CEACAM1: variants seen among roughly 807,000 people sequenced by gnomAD.
The protein encoded by CEACAM1 is CEA cell adhesion molecule 1.
A neutral mutation model predicts 49.1 loss-of-function variants in CEACAM1; 31 were observed. That is an observed-to-expected ratio of 0.63 (90% CI 0.47 to 0.85). The LOEUF is 0.85. Ranked by LOEUF, CEACAM1 falls within the 40% of genes least tolerant of loss-of-function variation. The pLI, the probability that CEACAM1 is intolerant of heterozygous loss-of-function variation, is 0.00. For missense variants in CEACAM1, 570 were observed against 645.3 expected (o/e 0.88, Z 1.26); for synonymous variants, 244 against 247.8 (o/e 0.98, Z 0.14).
chr19:42,515,138 T>G (rs2041568450), intron 5 of CEACAM1: 4 of 605,798 alleles, frequency 6.6e-6, no homozygotes, highest in Non-Finnish European at 1.2e-5. Context: ...TAGCCAGATG[T>G]GGTAGTATGT....
chr19:42,518,232 G>A (rs1267234130), intron 5 of CEACAM1, among the ~76,000 whole-genome samples: 1 of 152,148 alleles, frequency 6.6e-6, no homozygotes, highest in African/African-American at 2.4e-5. Context: ...GGGCAACACA[G>A]TGAAACCCCA....
chr19:42,526,806 G>A (rs1489717381), intron 2 of CEACAM1, among the ~76,000 whole-genome samples: 3 of 152,132 alleles, frequency 2.0e-5, no homozygotes, highest in Non-Finnish European at 4.4e-5. Flanking sequence ...CCCTCGATAA[G>A]TTACCCACAT....
chr19:42,526,392 C>T (rs1353198224), intron 2 of CEACAM1, among the ~76,000 whole-genome samples: 1 of 152,192 alleles, frequency 6.6e-6, no homozygotes, highest in African/African-American at 2.4e-5. Context: ...TCTCCTAAGC[C>T]CCCAGGGCAG....
intron 5 of CEACAM1, 99 bp from the exon 6 acceptor site, chr19:42,512,578 C>T (rs779500925): frequency 4.8e-5 from 58 of 1,200,960 alleles, no homozygotes; most frequent in Non-Finnish European, 6.9e-5. Flanking sequence ...CTAATTGTTC[C>T]TTCAAGGAAT....
intron 5 of CEACAM1, chr19:42,516,843 G>C: frequency 2.4e-6 from 1 of 415,828 alleles, no homozygotes; most frequent in Non-Finnish European, 4.7e-6. Flanking sequence ...GACCAGCCTT[G>C]GCAACATGGT....
chr19:42,526,751 A>C (rs1013670948), intron 2 of CEACAM1, among the ~76,000 whole-genome samples: 5 of 152,126 alleles, frequency 3.3e-5, no homozygotes, highest in African/African-American at 1.2e-4. Context: ...TCTTAGGGAC[A>C]TGTTCACCAG....
At chr19:42,514,382 C>A (rs1474051907) in intron 5 of CEACAM1, among the ~76,000 whole-genome samples, 2 of 152,158 alleles carry the variant, frequency 1.3e-5, no homozygotes, top group East Asian at 3.9e-4. Context: ...CCGCCTGCCT[C>A]AACCTCCCAA....
chr19:42,508,991 G>T lies in CEACAM1; in HGVS notation c.*118C>A. 8.3e-7 allele frequency: 1 copy of T among 1,209,572 alleles called. No homozygotes were observed. The highest frequency in any genetic ancestry group is 1.2e-6 in the Non-Finnish European group (1 of 844,010). 74.9% of individuals were successfully genotyped at this position (1,209,572 alleles called of 1,614,324 possible). ...TGGAGATGCCTATTAGGAAGGAAGA[G>T]TAGGAGAAAGTTGTTTCTGTCCCCA... On this transcript the variant is annotated 3_prime_UTR_variant, in exon 9 of 9. Transcript: ENST00000161559.
intron 2 of CEACAM1, among the ~76,000 whole-genome samples, chr19:42,523,254 C>T (rs1344228130): frequency 2.0e-5 from 3 of 152,218 alleles, no homozygotes; most frequent in African/African-American, 7.2e-5. Context: ...TGTCCTTAAA[C>T]CCTGAGGATA....
At chr19:42,524,520 A>G (rs970053491) in intron 2 of CEACAM1, among the ~76,000 whole-genome samples, 4 of 152,170 alleles carry the variant, frequency 2.6e-5, no homozygotes, top group Admixed American at 6.5e-5. Flanking sequence ...ACGTGGGGAC[A>G]GTGGCTTATG....
chr19:42,528,470 A>G lies in CEACAM1; in HGVS notation c.-96T>C. 1.6e-6 allele frequency: 2 copies of G among 1,228,622 alleles called. No homozygotes were observed. Among genetic ancestry groups the G allele is most frequent in the East Asian group, 2.5e-5 (1 of 40,628 alleles). The allele number at this position is 1,228,622 out of a possible 1,614,324, so 76.1% of individuals were successfully genotyped here. On this transcript the variant is annotated 5_prime_UTR_variant, in exon 1 of 9. Coordinates refer to ENST00000161559, the MANE Select transcript of CEACAM1 (RefSeq NM_001712.5). ...TGCTCTGTCACCTCTGCTGTTTTCCACTCTCTGTGCTGAGCCTCCTCCCTG... is the reference window on the plus strand; with the variant it reads ...TGCTCTGTCACCTCTGCTGTTTTCCGCTCTCTGTGCTGAGCCTCCTCCCTG...
Position 42,522,036 on chromosome 19 carries a change from G to T in CEACAM1, c.591C>A (p.Asn197Lys). Residue 197 changes from asparagine (N) to lysine (K), a missense_variant, in exon 3 of 9, where the codon AAC (asparagine) becomes AAA (lysine). Transcript: ENST00000161559. ...TGACACTGAGTAGAGTGAGGGTCCTGTTGCCATTGGACAGCTGCAGCCTGG... is the reference window on the plus strand; with the variant it reads ...TGACACTGAGTAGAGTGAGGGTCCTTTTGCCATTGGACAGCTGCAGCCTGG... ...VSPRLQLSNG[N>K]RTLTLLSVTR... 1.2e-6 allele frequency: 2 copies of T among 1,614,212 alleles called. No individual in the cohort carries two copies. The highest frequency in any genetic ancestry group is 8.5e-7 in the Non-Finnish European group (1 of 1,180,040).
rs139378038 is a variant in CEACAM1, at chr19:42,519,212, G to T, written c.982C>A (p.Pro328Thr). ...GTGGTCTTGCTGGCTTTGATTTGGG[G>T]CTTTGCTACTACTGGACTTAGCTCT... ...VTELSPVVAKPQIKASKTTVT... is the reference protein window; with the variant it reads ...VTELSPVVAKTQIKASKTTVT... The change falls in exon 5 of 9, where the codon CCC becomes ACC. Residue 328 changes from proline (P) to threonine (T), a missense_variant. Physicochemically the swap from Pro to Thr is conservative, Grantham distance 38 (BLOSUM62 -1). Transcript: ENST00000161559. 7 of 1,613,978 alleles carry T rather than the reference G, an allele frequency of 4.3e-6. No homozygotes were observed. The highest frequency in any genetic ancestry group is 5.9e-6 in the Non-Finnish European group (7 of 1,180,034).
intron 4 of CEACAM1, 125 bp from the exon 5 acceptor site, chr19:42,519,360 G>C (rs1460948454): frequency 1.1e-6 from 1 of 896,370 alleles, no homozygotes; most frequent in African/African-American, 1.7e-5. Context: ...CTGTGCAAAG[G>C]TCACCAACCA....
chr19:42,527,066 T>G lies in CEACAM1; in HGVS notation c.399A>C (p.Glu133Asp). 1 of 1,609,314 alleles carries G rather than the reference T, an allele frequency of 6.2e-7. No homozygotes were observed. The highest frequency in any genetic ancestry group is 8.5e-7 in the Non-Finnish European group (1 of 1,177,348). ...GGTATACATGGAACTGTCCAGTTGCTTCTTCATTCACAAGATCTGACTTTA... is the reference window on the plus strand; with the variant it reads ...GGTATACATGGAACTGTCCAGTTGCGTCTTCATTCACAAGATCTGACTTTA... Reference protein sequence around the residue: ...QVIKSDLVNEEATGQFHVYPE... With the variant: ...QVIKSDLVNEDATGQFHVYPE... Residue 133 changes from glutamate to aspartate, a missense_variant, in exon 2 of 9, where the codon GAA becomes GAC. Transcript: ENST00000161559.
At chr19:42,527,963 G>A (rs537822248) in intron 1 of CEACAM1, 1 of 266,260 alleles carries the variant, frequency 3.8e-6, no homozygotes, top group East Asian at 9.4e-5. Context: ...GGGTTTATTT[G>A]CCAATATCTG....
chr19:42,526,240 G>A (rs36020046), intron 2 of CEACAM1, among the ~76,000 whole-genome samples: 19,135 of 152,216 alleles, frequency 0.13, 1,545 homozygotes, highest in Non-Finnish European at 0.18. Context: ...ACAGGCGTGA[G>A]CCACCGCTCC....
In CEACAM1 at chr19:42,511,721, A is replaced by C; in HGVS notation, c.1377-93T>G. 3 of 1,203,920 alleles carry C rather than the reference A, an allele frequency of 2.5e-6. No individual in the cohort carries two copies. In the South Asian group the frequency reaches 3.7e-5, roughly 15 times the overall value. The allele number at this position is 1,203,920 out of a possible 1,614,324, so 74.6% of individuals were successfully genotyped here. A position where few individuals can be genotyped will look rare whatever the true frequency, so the allele number is the denominator to read the frequency against. On this transcript the variant is annotated intron_variant, in intron 6 of 8. Transcript: ENST00000161559. ...GGACACTGTGAGCAGGTAATTCCTT[A>C]GAGTCCTTGATGTTCATACTGCCTT...
At chr19:42,519,464 C>A in intron 4 of CEACAM1, 1 of 536,142 alleles carries the variant, frequency 1.9e-6, no homozygotes, top group East Asian at 3.2e-5. Context: ...GACCCCAGAT[C>A]GTCTCAGAGT....
Sources: allele counts gnomAD v4.1 joint callset (sites outside exome capture counted in the v4.1 genomes callset), GRCh38; gene constraint gnomAD v4.1.1; transcripts MANE v1.5; gene names NCBI Gene and HGNC (gene_info 2026-07-23, HGNC 2026-07-21).